The following CDKAL1 variants were observed in gnomAD, a reference collection of about 807,000 sequenced individuals.
CDKAL1 encodes the protein threonylcarbamoyladenosine tRNA methylthiotransferase.
CDKAL1 carries 32 observed loss-of-function variants against 68.2 expected under a neutral mutation model. That is an observed-to-expected ratio of 0.47 (90% CI 0.35 to 0.63). CDKAL1 has a LOEUF of 0.63. CDKAL1 is among the 30% of genes least tolerant of loss of function. The probability of loss-of-function intolerance (pLI) is 0.00; values close to 1 mark genes in which losing one functional copy is unlikely to be tolerated. For missense variants in CDKAL1, 606 were observed against 696.7 expected (o/e 0.87, Z 1.47); for synonymous variants, 234 against 244.3 (o/e 0.96, Z 0.39).
chr6:21,162,601 T>C (rs1776971963), intron 13 of CDKAL1, among the ~76,000 whole-genome samples: 1 of 152,206 alleles, frequency 6.6e-6, no homozygotes, highest in African/African-American at 2.4e-5. Context: ...TGTAACTTCC[T>C]TGATGCTTGT....
intron 15 of CDKAL1, among the ~76,000 whole-genome samples, chr6:21,210,536 A>G (rs889084885): frequency 2.0e-5 from 3 of 152,196 alleles, no homozygotes; most frequent in African/African-American, 7.2e-5. Flanking sequence ...CCCAGCTTCT[A>G]AAACAGTGAG....
At chr6:20,558,031 T>A (rs1043949720) in intron 4 of CDKAL1, among the ~76,000 whole-genome samples, 2 of 152,248 alleles carry the variant, frequency 1.3e-5, no homozygotes, top group Non-Finnish European at 2.9e-5. Flanking sequence ...TATGTTAGGT[T>A]ATTTGCATGA....
chr6:21,166,915 C>A (rs1406233226), intron 13 of CDKAL1, among the ~76,000 whole-genome samples: 1 of 152,128 alleles, frequency 6.6e-6, no homozygotes. Flanking sequence ...AGAAAACAAC[C>A]CTTGAAGACA....
At chr6:20,599,989 A>G (rs1257754173) in intron 4 of CDKAL1, among the ~76,000 whole-genome samples, 1 of 152,202 alleles carries the variant, frequency 6.6e-6, no homozygotes, top group African/African-American at 2.4e-5. Flanking sequence ...GACATGTTTC[A>G]AATCCTGGCA....
intron 7 of CDKAL1, among the ~76,000 whole-genome samples, chr6:20,779,570 G>C (rs996199049): frequency 2.0e-5 from 3 of 152,194 alleles, no homozygotes; most frequent in African/African-American, 7.2e-5. Context: ...CTAAAATTGA[G>C]TTATTGTGAT....
intron 11 of CDKAL1, among the ~76,000 whole-genome samples, chr6:21,053,994 C>T (rs1016938179): frequency 6.6e-6 from 1 of 152,020 alleles, no homozygotes; most frequent in African/African-American, 2.4e-5. Flanking sequence ...ATTGTGCTTT[C>T]GGTGTTGGCA....
chr6:21,070,173 G>A (rs1001596137), intron 12 of CDKAL1, among the ~76,000 whole-genome samples: 7 of 152,044 alleles, frequency 4.6e-5, no homozygotes, highest in African/African-American at 1.4e-4. Flanking sequence ...CTTGCTGATC[G>A]TTTGGTTCCA....
chr6:20,794,173 TTTTTCTTTTGAGCCCACA>T (rs1411649268), intron 8 of CDKAL1, among the ~76,000 whole-genome samples: 21 of 151,998 alleles, frequency 1.4e-4, no homozygotes, highest in African/African-American at 5.1e-4. Flanking sequence ...CTGTATCTGC[TTTTTCTTTTGAGCCCACA>T]CTTTTGACTT....
intron 8 of CDKAL1, among the ~76,000 whole-genome samples, chr6:20,799,302 T>A (rs921669436): frequency 1.6e-4 from 25 of 152,108 alleles, no homozygotes; most frequent in Admixed American, 8.5e-4. Flanking sequence ...TCCACCCACC[T>A]TGGCCTCCCA....
At chr6:21,103,104 T>C (rs1773663449) in intron 12 of CDKAL1, among the ~76,000 whole-genome samples, 1 of 152,238 alleles carries the variant, frequency 6.6e-6, no homozygotes, top group African/African-American at 2.4e-5. Flanking sequence ...CATAGTCTTA[T>C]TATAGCTTTT....
chr6:20,755,872 T>C (rs1274286225), intron 6 of CDKAL1, among the ~76,000 whole-genome samples: 2 of 152,232 alleles, frequency 1.3e-5, no homozygotes, highest in East Asian at 1.9e-4. Flanking sequence ...TTGTCTGTAA[T>C]AGGTATTTGA....
chr6:21,090,008 T>A (rs908741771), intron 12 of CDKAL1, among the ~76,000 whole-genome samples: 5 of 152,128 alleles, frequency 3.3e-5, no homozygotes, highest in Admixed American at 2.0e-4. Context: ...GCATGCAGTG[T>A]TAGGGTTATC....
At chr6:21,123,173 G>A (rs1217048380) in intron 13 of CDKAL1, among the ~76,000 whole-genome samples, 2 of 152,056 alleles carry the variant, frequency 1.3e-5, no homozygotes, top group Non-Finnish European at 2.9e-5. Context: ...CTGAACAGTG[G>A]CTGGGCACGG....
At chr6:20,663,128 G>C (rs1433260096) in intron 5 of CDKAL1, among the ~76,000 whole-genome samples, 2 of 152,124 alleles carry the variant, frequency 1.3e-5, no homozygotes, top group African/African-American at 4.8e-5. Context: ...CTTCTTTAAA[G>C]GAGCTTTATA....
chr6:20,544,175 A>G (rs114469826), intron 2 of CDKAL1, among the ~76,000 whole-genome samples: 3,401 of 152,126 alleles, frequency 0.022, 133 homozygotes, highest in African/African-American at 0.077. Context: ...TCTTTCCTCC[A>G]TTTAATTGCT....
At chr6:20,870,211 G>C (rs1346348943) in intron 9 of CDKAL1, among the ~76,000 whole-genome samples, 1 of 152,170 alleles carries the variant, frequency 6.6e-6, no homozygotes, top group African/African-American at 2.4e-5. Context: ...GATGTGGAGA[G>C]CTGTTCTGTC....
chr6:21,144,693 G>A, intron 13 of CDKAL1, among the ~76,000 whole-genome samples: 1 of 151,670 alleles, frequency 6.6e-6, no homozygotes, highest in African/African-American at 2.4e-5. Context: ...CCAGCTACCT[G>A]GGAGGCTCAG....
At chr6:20,730,298 AAAAG>A (rs1326840564) in intron 5 of CDKAL1, among the ~76,000 whole-genome samples, 15 of 151,728 alleles carry the variant, frequency 9.9e-5, no homozygotes, top group Non-Finnish European at 2.1e-4. Context: ...CCCTGAAAAA[AAAAG>A]AAAGAAAGAG....
chr6:20,651,461 C>G (rs1043175776), intron 5 of CDKAL1, among the ~76,000 whole-genome samples: 5 of 152,170 alleles, frequency 3.3e-5, no homozygotes, highest in Non-Finnish European at 7.4e-5. Context: ...TGGGCTGAGA[C>G]GATGGGGTTT....
Sources: allele counts gnomAD v4.1 joint callset (sites outside exome capture counted in the v4.1 genomes callset), GRCh38; gene constraint gnomAD v4.1.1; transcripts MANE v1.5; gene names NCBI Gene and HGNC (gene_info 2026-07-23, HGNC 2026-07-21).